Variants in NAA15 observed in about 807,000 individuals in gnomAD.
The protein encoded by NAA15 is N-alpha-acetyltransferase 15, NatA auxiliary subunit.
NAA15 carries 34 observed loss-of-function variants against 114.0 expected under a neutral mutation model. The ratio of observed to expected loss-of-function variants is 0.30; its 90% CI spans 0.23 to 0.40. The LOEUF is 0.40. NAA15 is among the 10% of genes least tolerant of loss of function. The pLI is 1.00. For synonymous variants in NAA15, 340 were observed against 338.0 expected (o/e 1.01, Z -0.06); for missense variants, 658 against 1,004.5 (o/e 0.66, Z 4.66).
intron 17 of NAA15, among the ~76,000 whole-genome samples, chr4:139,380,578 A>G (rs540006273): frequency 1.3e-5 from 2 of 152,220 alleles, no homozygotes; most frequent in Non-Finnish European, 2.9e-5. Flanking sequence ...TCAGAAAATT[A>G]AAATACACAT....
At chr4:139,308,580 C>T (rs1476443233) in intron 1 of NAA15, among the ~76,000 whole-genome samples, 1 of 152,154 alleles carries the variant, frequency 6.6e-6, no homozygotes, top group Non-Finnish European at 1.5e-5. Context: ...TCCCATTCAG[C>T]TCTTAGTAGT....
At chr4:139,316,591 A>G in intron 1 of NAA15, among the ~76,000 whole-genome samples, 1 of 151,780 alleles carries the variant, frequency 6.6e-6, no homozygotes, top group Non-Finnish European at 1.5e-5. Flanking sequence ...TTTCTCTGTA[A>G]GCGTTTTTGA....
At chr4:139,379,358 G>A (rs1227540637) in intron 17 of NAA15, 2 of 152,154 alleles carry the variant, frequency 1.3e-5, no homozygotes, top group African/African-American at 4.8e-5. Flanking sequence ...TTAATGTAAA[G>A]TAGAACTACA....
intron 15 of NAA15, 36 bp downstream of exon 15, chr4:139,370,440 A>G (rs1560977916): frequency 2.0e-6 from 3 of 1,492,784 alleles, no homozygotes; most frequent in Non-Finnish European, 8.9e-7. Context: ...ATTGAGTGAC[A>G]TTTTATGACC....
rs1748984139 is a variant in NAA15, at chr4:139,389,191, A to G, written c.*1107A>G. On this transcript the variant is annotated 3_prime_UTR_variant, in exon 20 of 20. Coordinates refer to ENST00000296543, the MANE Select transcript of NAA15 (RefSeq NM_057175.5). ...AGACTTTGTAATTTTTAAAGGGCCC[A>G]AGATTTTTTTTTTTTTTTTTTTTTT... 1 of 136,602 alleles carries G rather than the reference A, an allele frequency of 7.3e-6. No homozygotes were observed. Among genetic ancestry groups the G allele is most frequent in the Admixed American group, 8.2e-5 (1 of 12,174 alleles). 8.5% of individuals were successfully genotyped at this position (136,602 alleles called of 1,614,324 possible). A position where few individuals can be genotyped will look rare whatever the true frequency, so the allele number is the denominator to read the frequency against.
intron 6 of NAA15, among the ~76,000 whole-genome samples, chr4:139,345,717 G>A (rs1747556806): frequency 1.3e-5 from 2 of 152,122 alleles, no homozygotes; most frequent in Non-Finnish European, 2.9e-5. Flanking sequence ...TCAGGAGATC[G>A]AGACCATCCT....
At chr4:139,384,810 AT>A in intron 17 of NAA15, 21 bp from the exon 18 acceptor site, 1 of 1,353,520 alleles carries the variant, frequency 7.4e-7, no homozygotes, top group South Asian at 1.9e-5. Context: ...AACTGCTAAG[AT>A]TTTATTTTTA....
intron 14 of NAA15, among the ~76,000 whole-genome samples, chr4:139,367,218 C>T (rs1022326367): frequency 1.3e-5 from 2 of 152,228 alleles, no homozygotes; most frequent in Non-Finnish European, 2.9e-5. Context: ...GGAGTTACCA[C>T]GTCCATCCTC....
chr4:139,310,176 C>A (rs1012141367), intron 1 of NAA15, among the ~76,000 whole-genome samples: 3 of 152,064 alleles, frequency 2.0e-5, no homozygotes, highest in Non-Finnish European at 4.4e-5. Context: ...ATTTTTGGGC[C>A]GGGCGCGGTG....
At chr4:139,308,491 A>G (rs372895429) in intron 1 of NAA15, among the ~76,000 whole-genome samples, 1 of 152,242 alleles carries the variant, frequency 6.6e-6, no homozygotes, top group African/African-American at 2.4e-5. Flanking sequence ...TGGTTTTAAT[A>G]TACTTTTGCT....
chr4:139,348,174 C>T (rs1747658136), intron 6 of NAA15, among the ~76,000 whole-genome samples: 1 of 152,020 alleles, frequency 6.6e-6, no homozygotes, highest in East Asian at 1.9e-4. Flanking sequence ...TCACTGGTGG[C>T]CGGGCACGGT....
chr4:139,368,097 T>A (rs1748334274), intron 14 of NAA15, among the ~76,000 whole-genome samples: 1 of 152,234 alleles, frequency 6.6e-6, no homozygotes, highest in Admixed American at 6.5e-5. Context: ...AGGTTTTTGT[T>A]ACAGCAGTAT....
chr4:139,378,991 G>T (rs1247069395), intron 17 of NAA15, 137 bp downstream of exon 17: 2 of 526,970 alleles, frequency 3.8e-6, no homozygotes, highest in Non-Finnish European at 6.5e-6. Flanking sequence ...GAAAAGCAGG[G>T]CTTTTTTCTT....
At position 139,303,144 on chromosome 4, in the gene NAA15, C is replaced by T. The variant is rs115590042; in HGVS notation, c.54+1313C>T. Among the ~76,000 whole-genome samples, 783 of 152,262 alleles carry T rather than the reference C, an allele frequency of 5.1e-3. 11 individuals are homozygous for T. Among genetic ancestry groups the T allele is most frequent in the African/African-American group, 0.018 (750 of 41,536 alleles). On this transcript the variant is annotated intron_variant, in intron 1 of 19. Coordinates refer to ENST00000296543, the MANE Select transcript of NAA15 (RefSeq NM_057175.5). ...GATTTAGTGAATTCATTTTGAAAAA[C>T]ATTAGAAAGTCACATGCAGTGTCGC...
At chr4:139,345,949 A>G (rs1303268004) in intron 6 of NAA15, among the ~76,000 whole-genome samples, 1 of 152,098 alleles carries the variant, frequency 6.6e-6, no homozygotes, top group African/African-American at 2.4e-5. Context: ...GAGTAGAGGA[A>G]CTGAAGATAA....
intron 2 of NAA15, among the ~76,000 whole-genome samples, chr4:139,335,494 T>C (rs1444549089): frequency 6.6e-6 from 1 of 151,930 alleles, no homozygotes; most frequent in African/African-American, 2.4e-5. Context: ...GCCTCCCAAG[T>C]AGCTGGGATT....
At chr4:139,308,183 G>C (rs34951997) in intron 1 of NAA15, among the ~76,000 whole-genome samples, 2,501 of 152,104 alleles carry the variant, frequency 0.016, 30 homozygotes, top group Middle Eastern at 0.031. Flanking sequence ...GGATGGTCTC[G>C]ATCTCCTGAC....
At chr4:139,330,638 A>T (rs1380164297) in intron 1 of NAA15, among the ~76,000 whole-genome samples, 1 of 152,150 alleles carries the variant, frequency 6.6e-6, no homozygotes, top group African/African-American at 2.4e-5. Flanking sequence ...TATCTTCAGG[A>T]TGGTGAAGAC....
chr4:139,310,397 T>C (rs1157020828), intron 1 of NAA15, among the ~76,000 whole-genome samples: 2 of 142,676 alleles, frequency 1.4e-5, no homozygotes, highest in African/African-American at 5.3e-5. Flanking sequence ...GAGCTTGCAG[T>C]GAGCCGAGAT....
Sources: allele counts gnomAD v4.1 joint callset (sites outside exome capture counted in the v4.1 genomes callset), GRCh38; gene constraint gnomAD v4.1.1; transcripts MANE v1.5; gene names NCBI Gene and HGNC (gene_info 2026-07-23, HGNC 2026-07-21).